ELF2: variants seen among roughly 807,000 people sequenced by gnomAD.
ELF2 encodes E74 like ETS transcription factor 2.
Under a neutral mutation model 54.8 loss-of-function variants are expected in ELF2, and 11 were observed. That is an observed-to-expected ratio of 0.20 (90% CI 0.13 to 0.33). The LOEUF (loss-of-function observed/expected upper bound fraction) is 0.33, where lower values mean the gene tolerates loss of function less well. ELF2 is among the 10% of genes least tolerant of loss of function. The pLI is 1.00. For synonymous variants in ELF2, 203 were observed against 245.1 expected, an observed-to-expected ratio of 0.83 and a Z score of 1.61; for missense variants, 513 against 703.0, an observed-to-expected ratio of 0.73 and a Z score of 3.06.
chr4:139,064,978 C>T (rs1728473301), intron 7 of ELF2, among the ~76,000 whole-genome samples: 1 of 152,132 alleles, frequency 6.6e-6, no homozygotes, highest in Non-Finnish European at 1.5e-5. Context: ...AGCATCACTA[C>T]CTAAAAACTA....
At chr4:139,140,291 C>T (rs1014526097) in intron 1 of ELF2, among the ~76,000 whole-genome samples, 1 of 152,144 alleles carries the variant, frequency 6.6e-6, no homozygotes, top group Admixed American at 6.5e-5. Flanking sequence ...TTCTAACTCC[C>T]AAGCCTCCTC....
intron 7 of ELF2, among the ~76,000 whole-genome samples, chr4:139,062,893 C>G (rs925952972): frequency 6.6e-6 from 1 of 152,182 alleles, no homozygotes; most frequent in Non-Finnish European, 1.5e-5. Flanking sequence ...GCAAACTACC[C>G]TCAACCCTTT....
intron 4 of ELF2, among the ~76,000 whole-genome samples, chr4:139,090,927 GTTT>G (rs1732504185): frequency 6.6e-6 from 1 of 151,810 alleles, no homozygotes; most frequent in East Asian, 1.9e-4. Flanking sequence ...GTTTTGTTTT[GTTT>G]TGTTTTGTTT....
At chr4:139,113,214 T>G (rs906085046) in intron 4 of ELF2, among the ~76,000 whole-genome samples, 10 of 151,912 alleles carry the variant, frequency 6.6e-5, no homozygotes, top group Non-Finnish European at 1.5e-4. Flanking sequence ...AAAAGTTAGC[T>G]GAGTGTCGTG....
intron 4 of ELF2, among the ~76,000 whole-genome samples, chr4:139,107,642 T>TA (rs1357058118): frequency 6.6e-6 from 1 of 152,170 alleles, no homozygotes; most frequent in Non-Finnish European, 1.5e-5. Flanking sequence ...TTTCACATTT[T>TA]AGGGGAATCA....
intron 3 of ELF2, among the ~76,000 whole-genome samples, chr4:139,135,279 G>GTA (rs56311255): frequency 0.14 from 18,793 of 135,106 alleles, 1,374 homozygotes; most frequent in Middle Eastern, 0.18. Context: ...GTGTGTGTGT[G>GTA]TATATATGAA....
In ELF2 at chr4:139,098,235, A is replaced by T. The variant is rs1274973240; in HGVS notation, c.239-24668T>A. 2.6e-5 allele frequency among the ~76,000 whole-genome samples: 4 copies of T among 152,256 alleles called. No individual in the cohort carries two copies. In the East Asian group the frequency reaches 7.7e-4, roughly 29 times the overall value. On this transcript the variant is annotated intron_variant, in intron 4 of 9. Coordinates refer to ENST00000686138, the MANE Select transcript of ELF2 (RefSeq NM_001331036.3). The stretch of plus-strand genomic sequence containing the variant: ...TACACTTTGACAAAGATGTCCCACT[A>T]TTTTGTAGATATGTCTAGTTTTCCT...
intron 4 of ELF2, among the ~76,000 whole-genome samples, chr4:139,118,953 GA>G (rs3834805): frequency 0.97 from 147,619 of 152,244 alleles, 71,624 homozygotes; most frequent in Middle Eastern, 1. Flanking sequence ...GGGGAAATTT[GA>G]AAATCAGAAC....
intron 3 of ELF2, chr4:139,137,053 T>G (rs1439003584): frequency 2.6e-5 from 4 of 152,294 alleles, no homozygotes; most frequent in African/African-American, 4.8e-5. Context: ...TTTATTCTCA[T>G]CTAATTCTTC....
At chr4:139,107,114 A>G (rs890870301) in intron 4 of ELF2, among the ~76,000 whole-genome samples, 1 of 152,170 alleles carries the variant, frequency 6.6e-6, no homozygotes, top group Non-Finnish European at 1.5e-5. Context: ...ATTTTAAAAC[A>G]ATGCTCCGAG....
At chr4:139,135,237 ATGTG>A (rs61122327) in intron 3 of ELF2, among the ~76,000 whole-genome samples, 5,948 of 112,344 alleles carry the variant, frequency 0.053, 149 homozygotes, top group African/African-American at 0.072. Flanking sequence ...TACTATATAT[ATGTG>A]TGTGTGTGTG....
intron 1 of ELF2, among the ~76,000 whole-genome samples, chr4:139,162,304 G>A (rs140212694): frequency 0.029 from 4,354 of 152,178 alleles, 96 homozygotes; most frequent in Non-Finnish European, 0.046. Context: ...AGATCACAAG[G>A]TCAGGAGTTC....
chr4:139,060,309 G>T lies in ELF2; in HGVS notation c.1157+15C>A. ...AAAAGTAAATACATTGTAACTAATG[G>T]TTTGCTTCACTTACCTTGGAGCTGC... is the stretch of plus-strand genomic sequence containing the variant. On this transcript the variant is annotated intron_variant, in intron 9 of 9. Coordinates refer to ENST00000686138, the MANE Select transcript of ELF2 (RefSeq NM_001331036.3). 1.3e-6 allele frequency: 2 copies of T among 1,566,938 alleles called. No homozygotes were observed. Among genetic ancestry groups the T allele is most frequent in the Non-Finnish European group, 1.7e-6 (2 of 1,159,084 alleles).
chr4:139,067,641 A>G (rs762307627), intron 7 of ELF2, 43 bp downstream of exon 7: 6 of 1,586,402 alleles, frequency 3.8e-6, no homozygotes, highest in Non-Finnish European at 4.3e-6. Context: ...CACCTAACTG[A>G]AAAAAAATCA....
At chr4:139,103,173 T>C (rs1036178398) in intron 4 of ELF2, among the ~76,000 whole-genome samples, 2 of 152,246 alleles carry the variant, frequency 1.3e-5, no homozygotes, top group Non-Finnish European at 2.9e-5. Flanking sequence ...AAGTTCTAGC[T>C]GTGATATTGT....
intron 4 of ELF2, among the ~76,000 whole-genome samples, chr4:139,120,366 T>G (rs181393307): frequency 6.6e-6 from 1 of 152,354 alleles, no homozygotes; most frequent in East Asian, 1.9e-4. Context: ...CAACTCATAC[T>G]ACAATAGCTA....
intron 6 of ELF2, among the ~76,000 whole-genome samples, chr4:139,069,430 A>T (rs545666323): frequency 2.0e-5 from 3 of 152,336 alleles, no homozygotes; most frequent in Non-Finnish European, 4.4e-5. Flanking sequence ...AATGTAAATA[A>T]TATTTATACA....
chr4:139,135,520 T>C (rs1453300138), intron 3 of ELF2, among the ~76,000 whole-genome samples: 1 of 152,054 alleles, frequency 6.6e-6, no homozygotes, highest in Non-Finnish European at 1.5e-5. Flanking sequence ...CTAATTGAAG[T>C]ACTCCCTACT....
upstream of ELF2, among the ~76,000 whole-genome samples, chr4:139,177,396 AC>A (rs1743084603): frequency 6.6e-6 from 1 of 151,056 alleles, no homozygotes; most frequent in Non-Finnish European, 1.5e-5. Context: ...ACCGCCAGTC[AC>A]CGCAGCGCCT....
Sources: gnomAD v4.1 joint callset for allele counts (sites outside exome capture counted in the v4.1 genomes callset) on GRCh38, gnomAD v4.1.1 for gene constraint, MANE v1.5 for transcripts, NCBI Gene and HGNC (gene_info 2026-07-23, HGNC 2026-07-21) for gene names.